STEAP3: variants seen among roughly 807,000 people sequenced by gnomAD.
The protein encoded by STEAP3 is metalloreductase STEAP3.
A neutral mutation model predicts 34.9 loss-of-function variants in STEAP3; 35 were observed. The ratio of observed to expected loss-of-function variants is 1.00; its 90% CI spans 0.76 to 1.33. STEAP3 has a LOEUF of 1.33. STEAP3 is among the 40% of genes most tolerant of loss of function. STEAP3 has a pLI of 0.00. For synonymous variants in STEAP3, 281 were observed against 301.6 expected, an observed-to-expected ratio of 0.93 and a Z score of 0.71; for missense variants, 652 against 667.6, an observed-to-expected ratio of 0.98 and a Z score of 0.26.
At chr2:119,231,448 T>G (rs1455193068) in intron 2 of STEAP3, among the ~76,000 whole-genome samples, 1 of 151,964 alleles carries the variant, frequency 6.6e-6, no homozygotes, top group African/African-American at 2.4e-5. Context: ...ATTGTAAATT[T>G]TTCTTATTGG....
At chr2:119,224,238 C>A (rs999027138) in intron 1 of STEAP3, among the ~76,000 whole-genome samples, 10 of 152,220 alleles carry the variant, frequency 6.6e-5, no homozygotes, top group Non-Finnish European at 1.5e-4. Flanking sequence ...CCCGTGTGCC[C>A]CACGGCTGGG....
At chr2:119,230,561 G>A (rs902375330) in intron 1 of STEAP3, 59 bp from the exon 2 acceptor site, 2 of 174,818 alleles carry the variant, frequency 1.1e-5, no homozygotes, top group Admixed American at 5.6e-5. Flanking sequence ...TTTGTATCCC[G>A]AAGAGTAAAC....
chr2:119,238,970 G>A (rs1265350206), intron 2 of STEAP3, among the ~76,000 whole-genome samples: 1 of 152,192 alleles, frequency 6.6e-6, no homozygotes, highest in Non-Finnish European at 1.5e-5. Flanking sequence ...GCTCAGGGAA[G>A]TGGGGGCGGG....
At chr2:119,227,731 G>A (rs1408860349) in intron 1 of STEAP3, among the ~76,000 whole-genome samples, 2 of 152,218 alleles carry the variant, frequency 1.3e-5, no homozygotes, top group African/African-American at 2.4e-5. Context: ...GGTGTCAGCT[G>A]TCTTGGTTCA....
intron 5 of STEAP3, among the ~76,000 whole-genome samples, chr2:119,255,898 C>G (rs1468054265): frequency 6.6e-6 from 1 of 152,220 alleles, no homozygotes; most frequent in Non-Finnish European, 1.5e-5. Context: ...GAGAACAAGA[C>G]AGGCAGAGCC....
intron 5 of STEAP3, among the ~76,000 whole-genome samples, chr2:119,257,263 G>A (rs930713263): frequency 6.6e-6 from 1 of 152,198 alleles, no homozygotes; most frequent in Non-Finnish European, 1.5e-5. Context: ...AGCATACCTC[G>A]TTGTCTACCG....
chr2:119,262,149 C>G (rs745738292), intron 5 of STEAP3, among the ~76,000 whole-genome samples: 1 of 152,134 alleles, frequency 6.6e-6, no homozygotes, highest in Admixed American at 6.5e-5. Flanking sequence ...CTACTGGTGC[C>G]AAATCCACGT....
At chr2:119,225,262 T>G (rs1679002467) in intron 1 of STEAP3, among the ~76,000 whole-genome samples, 1 of 152,184 alleles carries the variant, frequency 6.6e-6, no homozygotes, top group Non-Finnish European at 1.5e-5. Flanking sequence ...AAGGAGCAGG[T>G]GCTTAGTGAA....
chr2:119,262,916 C>A, intron 5 of STEAP3, 141 bp from the exon 6 acceptor site: 1 of 1,066,888 alleles, frequency 9.4e-7, no homozygotes, highest in Non-Finnish European at 1.4e-6. Flanking sequence ...AAGAGAGTGA[C>A]AGGACTGGGG....
intron 2 of STEAP3, among the ~76,000 whole-genome samples, chr2:119,233,544 C>T (rs905631791): frequency 2.6e-5 from 4 of 152,198 alleles, no homozygotes; most frequent in Admixed American, 2.0e-4. Flanking sequence ...CCCCTCCCAA[C>T]TCACAAATAC....
chr2:119,241,660 C>T (rs1391137641), intron 2 of STEAP3, among the ~76,000 whole-genome samples: 1 of 152,262 alleles, frequency 6.6e-6, no homozygotes, highest in African/African-American at 2.4e-5. Flanking sequence ...TATGTCCCAG[C>T]GCCAGTTAGG....
chr2:119,235,377 C>A (rs1392709611), intron 2 of STEAP3, among the ~76,000 whole-genome samples: 1 of 152,134 alleles, frequency 6.6e-6, no homozygotes, highest in Non-Finnish European at 1.5e-5. Context: ...CTTTCTGGAC[C>A]AAGTGGGCTG....
At chr2:119,230,516 A>G (rs1458292947) in intron 1 of STEAP3, 104 bp from the exon 2 acceptor site, 1 of 162,486 alleles carries the variant, frequency 6.2e-6, no homozygotes, top group Non-Finnish European at 1.4e-5. Context: ...ACAGAAATTG[A>G]TAAATTGCCA....
intron 4 of STEAP3, among the ~76,000 whole-genome samples, 158 bp from the exon 5 acceptor site, chr2:119,254,526 G>A (rs115004387): frequency 0.011 from 1,602 of 152,276 alleles, 25 homozygotes; most frequent in African/African-American, 0.035. Flanking sequence ...TTGAGGATTC[G>A]ATGAGTTAAT....
At chr2:119,247,362 G>C (rs1677461899) in intron 3 of STEAP3, among the ~76,000 whole-genome samples, 2 of 152,252 alleles carry the variant, frequency 1.3e-5, no homozygotes, top group Admixed American at 6.5e-5. Flanking sequence ...GGCCCATGGG[G>C]ACTACCTGGA....
At chr2:119,232,567 C>T (rs562669609) in intron 2 of STEAP3, among the ~76,000 whole-genome samples, 3 of 152,238 alleles carry the variant, frequency 2.0e-5, no homozygotes, top group South Asian at 2.1e-4. Context: ...CTACATGGGG[C>T]AGTCACAGGG....
At chr2:119,260,579 A>G (rs1183762748) in intron 5 of STEAP3, among the ~76,000 whole-genome samples, 1 of 152,200 alleles carries the variant, frequency 6.6e-6, no homozygotes, top group Non-Finnish European at 1.5e-5. Context: ...TACAGGCGTG[A>G]GCCACCGCAC....
rs760533037 is a variant in STEAP3 at position 119,245,680 on chromosome 2, A to C, written c.214A>C (p.Lys72Gln). 6.2e-7 allele frequency: 1 copy of C among 1,613,650 alleles called. No homozygotes were observed. Among genetic ancestry groups the C allele is most frequent in the South Asian group, 1.1e-5 (1 of 91,064 alleles). Residue 72 changes from lysine to glutamine, a missense_variant, in exon 3 of 6, where the codon AAA becomes CAA. Physicochemically the swap from Lys to Gln is moderately conservative, Grantham distance 53. Coordinates refer to ENST00000393110, the MANE Select transcript of STEAP3 (RefSeq NM_182915.3). ...AGTGGTGGTGGGGAGCCGCAACCCC[A>C]AACGCACAGCCAGGCTGTTTCCCTC... ...FKVVVGSRNP[K>Q]RTARLFPSAA... is the part of the protein sequence containing the mutation.
chr2:119,240,198 G>A (rs1032654125), intron 2 of STEAP3, among the ~76,000 whole-genome samples: 16 of 152,278 alleles, frequency 1.1e-4, no homozygotes, highest in Admixed American at 3.9e-4. Flanking sequence ...GCGAGACTCC[G>A]TCTCAATAAA....
Sources: allele counts gnomAD v4.1 joint callset (sites outside exome capture counted in the v4.1 genomes callset), GRCh38; gene constraint gnomAD v4.1.1; transcripts MANE v1.5; gene names NCBI Gene and HGNC (gene_info 2026-07-23, HGNC 2026-07-21).